The following ARHGEF18 variants were observed in gnomAD, a reference collection of about 807,000 sequenced individuals.
The protein encoded by ARHGEF18 is Rho/Rac guanine nucleotide exchange factor 18.
In ARHGEF18, 93 loss-of-function variants were observed where a neutral mutation model predicts 155.7. That is an observed-to-expected ratio of 0.60 (90% CI 0.50 to 0.71). ARHGEF18 has a LOEUF of 0.71. Among genes scored for constraint, ARHGEF18 ranks in the 30% least tolerant of loss-of-function variants. ARHGEF18 has a pLI of 0.00. For synonymous variants in ARHGEF18, 742 were observed against 753.1 expected (o/e 0.99, Z 0.24); for missense variants, 1,593 against 1,816.1 (o/e 0.88, Z 2.23).
chr19:7,416,123 C>T (rs886464003), intron 10 of ARHGEF18, among the ~76,000 whole-genome samples: 9 of 152,106 alleles, frequency 5.9e-5, no homozygotes, highest in African/African-American at 1.2e-4. Context: ...CCTAGCTGGG[C>T]GAGGAGGCTC....
intron 10 of ARHGEF18, among the ~76,000 whole-genome samples, chr19:7,418,890 T>C (rs1459259288): frequency 1.3e-5 from 2 of 151,922 alleles, no homozygotes; most frequent in Non-Finnish European, 2.9e-5. Flanking sequence ...AGACATCTGC[T>C]AGTCCACCTG....
intron 7 of ARHGEF18, among the ~76,000 whole-genome samples, chr19:7,380,306 G>T (rs113884244): frequency 3.9e-4 from 59 of 151,588 alleles, no homozygotes; most frequent in Non-Finnish European, 6.5e-4. Context: ...GTGAAACCCC[G>T]TCTCTACTAA....
downstream of ARHGEF18, chr19:7,476,767 A>C (rs969316563): frequency 5.6e-5 from 9 of 161,930 alleles, no homozygotes; most frequent in African/African-American, 1.9e-4. Context: ...GGCTGAGGGC[A>C]TTCCTGAAGG....
chr19:7,352,694 C>T (rs759027260), intron 1 of ARHGEF18, among the ~76,000 whole-genome samples: 71 of 150,016 alleles, frequency 4.7e-4, no homozygotes, highest in Non-Finnish European at 7.6e-4. Context: ...CCACCACGCC[C>T]GGCTATTTTT....
intron 13 of ARHGEF18, among the ~76,000 whole-genome samples, chr19:7,442,322 G>C (rs767350635): frequency 1.3e-5 from 2 of 151,212 alleles, no homozygotes; most frequent in Non-Finnish European, 2.9e-5. Flanking sequence ...CTGCAGCCTC[G>C]ACCTGGGCTC....
At position 7,373,073 on chromosome 19, in the gene ARHGEF18, T is replaced by A; in HGVS notation, c.275+2T>A. 1 of 1,234,312 alleles carries A rather than the reference T, an allele frequency of 8.1e-7. No homozygotes were observed. Among genetic ancestry groups the A allele is most frequent in the Non-Finnish European group, 1.0e-6 (1 of 988,274 alleles). 76.5% of individuals were successfully genotyped at this position (1,234,312 alleles called of 1,614,324 possible). ...GAGCTGCTCAGAGAGCTGGCGGAGG[T>A]CAGTTCCCCACTGCTGCCTGCTTCC... On this transcript the variant is annotated splice_donor_variant, in intron 3 of 28. Coordinates refer to ENST00000668164, the MANE Select transcript of ARHGEF18 (RefSeq NM_001367823.1). LOFTEE classifies it high-confidence loss of function.
chr19:7,385,883 TCTCCCTCC>T (rs1568285840), intron 10 of ARHGEF18, among the ~76,000 whole-genome samples: 1 of 32,410 alleles, frequency 3.1e-5, no homozygotes, highest in Non-Finnish European at 4.8e-5. Flanking sequence ...CCCCTCCCTC[TCTCCCTCC>T]CTCCCTCTCT....
rs1359871355 is a variant in ARHGEF18 at position 7,441,707 on chromosome 19, G to A, written c.1161G>A (p.Gln387=). The A allele has an allele frequency of 6.2e-7, 1 of 1,614,208 alleles. No individual in the cohort carries two copies. Among genetic ancestry groups the A allele is most frequent in the East Asian group, 2.2e-5 (1 of 44,886 alleles). ...ATTCTGCGTTTTTAAAATTTAAGCA[G>A]ACAGCTGATGACTCTCTGTCCCTTA... ...EADSAFLKFK[Q]TADDSLSLTS... The change falls in exon 12 of 29, where the codon CAG becomes CAA. Residue 387 remains glutamine (Q), a synonymous_variant. Coordinates refer to ENST00000668164, the MANE Select transcript of ARHGEF18 (RefSeq NM_001367823.1).
chr19:7,409,242 G>A (rs1972518166), intron 10 of ARHGEF18, among the ~76,000 whole-genome samples: 1 of 143,924 alleles, frequency 6.9e-6, no homozygotes, highest in Non-Finnish European at 1.5e-5. Flanking sequence ...TGTATTTTTA[G>A]TAGAGACTGG....
intron 10 of ARHGEF18, among the ~76,000 whole-genome samples, chr19:7,388,856 C>T (rs1039184368): frequency 6.6e-6 from 1 of 152,090 alleles, no homozygotes; most frequent in African/African-American, 2.4e-5. Flanking sequence ...GCTAGGATTA[C>T]AGGCATGAGC....
chr19:7,470,191 G>C lies in ARHGEF18; in HGVS notation c.3979G>C (p.Ala1327Pro). ...DSPSEGFSLK[A>P]GGTALLPGPP... ...CCCCTCCGAGGGCTTCTCTCTCAAG[G>C]CCGGGGGCACAGCCCTCCTGCCCGG... Residue 1327 changes from alanine to proline, a missense_variant, in exon 29 of 29, where the codon GCC (alanine) becomes CCC (proline). By Grantham distance (27) the Ala-to-Pro change is conservative. Coordinates refer to ENST00000668164, the MANE Select transcript of ARHGEF18 (RefSeq NM_001367823.1). The surrounding 1 kb of genome is among the most constrained non-coding windows in gnomAD (Gnocchi z 5.9). 6.2e-7 allele frequency: 1 copy of C among 1,611,906 alleles called. No homozygotes were observed. Among genetic ancestry groups the C allele is most frequent in the South Asian group, 1.1e-5 (1 of 91,020 alleles).
In ARHGEF18 at chr19:7,459,967, C is replaced by G. The variant is rs757018847; in HGVS notation, c.2425C>G (p.Arg809Gly). 1.5e-4 allele frequency: 235 copies of G among 1,587,380 alleles called. No individual in the cohort carries two copies. The highest frequency in any genetic ancestry group is 1.9e-4 in the Non-Finnish European group (225 of 1,166,934). Residue 809 changes from arginine (R) to glycine (G), a missense_variant, in exon 20 of 29, where the codon CGC becomes GGC. Transcript: ENST00000668164. ...AGAGGAAAGGAAGGTGGTCGAGGCCCGCGCCACGAGACTCCGGGACTTTCA... is the reference window on the plus strand; with the variant it reads ...AGAGGAAAGGAAGGTGGTCGAGGCCGGCGCCACGAGACTCCGGGACTTTCA... The part of the protein sequence containing the change: ...PEEERKVVEA[R>G]ATRLRDFQER...
chr19:7,436,225 C>CTTGATT (rs1334157812), intron 10 of ARHGEF18, among the ~76,000 whole-genome samples: 2 of 134,162 alleles, frequency 1.5e-5, no homozygotes, highest in Admixed American at 1.5e-4. Context: ...TTGCCATCAA[C>CTTGATT]TTGATTTTGG....
intron 10 of ARHGEF18, among the ~76,000 whole-genome samples, chr19:7,398,002 T>C (rs1441128704): frequency 6.6e-6 from 1 of 152,220 alleles, no homozygotes; most frequent in Non-Finnish European, 1.5e-5. Context: ...CTATGCGAAG[T>C]GCTGCATTTG....
chr19:7,417,183 G>C (rs1973077912), intron 10 of ARHGEF18, among the ~76,000 whole-genome samples: 1 of 152,124 alleles, frequency 6.6e-6, no homozygotes, highest in Admixed American at 6.5e-5. Flanking sequence ...AAAGTGCTGG[G>C]ATTACAGGTG....
In ARHGEF18 at chr19:7,451,271, G is replaced by A; in HGVS notation, c.1855+5G>A. 5 of 1,613,288 alleles carry A rather than the reference G, an allele frequency of 3.1e-6. No homozygotes were observed. The South Asian group carries it at 4.4e-5, about 14-fold the overall frequency. On this transcript the variant is annotated splice_donor_5th_base_variant and intron_variant, in intron 16 of 28. Coordinates refer to ENST00000668164, the MANE Select transcript of ARHGEF18 (RefSeq NM_001367823.1). ...GCATCATCCAGAACACGGAAGGTAG[G>A]CCTTCTCCCCACTGCCCCGCCCGCC... is the stretch of plus-strand genomic sequence containing the variant.
At chr19:7,473,231 A>G (rs11880140), downstream of ARHGEF18, 263,034 of 455,982 alleles carry the variant, frequency 0.58, 77,147 homozygotes, top group East Asian at 0.75. Flanking sequence ...AGGGTTTCCC[A>G]TCACAAGGGG....
In ARHGEF18 at chr19:7,459,955, G is replaced by A; in HGVS notation, c.2413G>A (p.Val805Met). 1.3e-6 allele frequency: 2 copies of A among 1,591,946 alleles called. No homozygotes were observed. Among genetic ancestry groups the A allele is most frequent in the South Asian group, 2.3e-5 (2 of 87,494 alleles). Residue 805 changes from valine to methionine, a missense_variant, in exon 20 of 29, where the codon GTG (valine) becomes ATG (methionine). Transcript: ENST00000668164. The part of the protein sequence containing the change: ...PFSLPEEERK[V>M]VEARATRLRD... ...CAGCCTGCCCGAAGAGGAAAGGAAGGTGGTCGAGGCCCGCGCCACGAGACT... is the reference window on the plus strand; with the variant it reads ...CAGCCTGCCCGAAGAGGAAAGGAAGATGGTCGAGGCCCGCGCCACGAGACT...
intron 18 of ARHGEF18, 47 bp downstream of exon 18, chr19:7,456,450 C>T (rs777513392): frequency 6.4e-7 from 1 of 1,563,434 alleles, no homozygotes; most frequent in Middle Eastern, 1.7e-4. Context: ...GGTGCTGTGG[C>T]TCACGTCTAT....
Sources: allele counts gnomAD v4.1 joint callset (sites outside exome capture counted in the v4.1 genomes callset), GRCh38; gene constraint gnomAD v4.1.1; non-coding constraint Gnocchi (gnomAD v3.1); transcripts MANE v1.5; gene names NCBI Gene and HGNC (gene_info 2026-07-23, HGNC 2026-07-21).